WWOX: variants seen among roughly 807,000 people sequenced by gnomAD.
WWOX encodes the protein WW domain containing oxidoreductase, also known as WW domain-containing oxidoreductase.
In WWOX, 69 loss-of-function variants were observed where a neutral mutation model predicts 46.2. The observed-to-expected ratio is 1.49, with a 90% CI of 1.23 to 1.82. The LOEUF is 1.82. WWOX is among the 40% of genes most tolerant of loss of function. The pLI is 0.00. For synonymous variants in WWOX, 359 were observed against 202.6 expected (o/e 1.77, Z -6.56); for missense variants, 919 against 542.6 (o/e 1.69, Z -6.89).
At chr16:78,263,299 TCAGTGCC>T (rs1163991329) in intron 5 of WWOX, among the ~76,000 whole-genome samples, 1 of 152,134 alleles carries the variant, frequency 6.6e-6, no homozygotes. Flanking sequence ...AAAGTTCCAA[TCAGTGCC>T]CAGGGCTTCA....
At chr16:79,034,526 C>T (rs185956061) in intron 8 of WWOX, among the ~76,000 whole-genome samples, 13 of 152,144 alleles carry the variant, frequency 8.5e-5, no homozygotes, top group South Asian at 2.1e-4. Context: ...GCCCCCTCAC[C>T]GAATGATCAG....
intron 8 of WWOX, among the ~76,000 whole-genome samples, chr16:78,853,925 A>G (rs1219671782): frequency 6.6e-6 from 1 of 152,240 alleles, no homozygotes; most frequent in Non-Finnish European, 1.5e-5. Flanking sequence ...TACTTGTAGT[A>G]TCATGGATAC....
intron 4 of WWOX, among the ~76,000 whole-genome samples, chr16:78,117,585 G>C (rs1266402587): frequency 6.6e-6 from 1 of 152,178 alleles, no homozygotes; most frequent in Non-Finnish European, 1.5e-5. Context: ...TTTATATCCT[G>C]CGTGGCTGCC....
At chr16:78,199,507 A>C (rs945366694) in intron 5 of WWOX, among the ~76,000 whole-genome samples, 1 of 152,158 alleles carries the variant, frequency 6.6e-6, no homozygotes, top group Non-Finnish European at 1.5e-5. Context: ...ATCCGGCATC[A>C]TGACCTTTGT....
At chr16:78,769,083 C>G (rs1162399281) in intron 8 of WWOX, among the ~76,000 whole-genome samples, 2 of 152,108 alleles carry the variant, frequency 1.3e-5, no homozygotes, top group Non-Finnish European at 2.9e-5. Context: ...GCCACAAGGC[C>G]ATCTTTATAA....
intron 8 of WWOX, among the ~76,000 whole-genome samples, chr16:79,123,875 G>C (rs182814254): frequency 6.6e-5 from 10 of 152,272 alleles, no homozygotes; most frequent in African/African-American, 2.4e-4. Flanking sequence ...CAATAGTTAA[G>C]AAACAGGCAG....
intron 8 of WWOX, among the ~76,000 whole-genome samples, chr16:78,690,228 C>G (rs762409682): frequency 6.6e-6 from 1 of 151,900 alleles, no homozygotes; most frequent in Admixed American, 6.6e-5. Context: ...TGTGTAGGGC[C>G]GGATATAGTG....
At chr16:78,397,360 C>T (rs1355410030) in intron 6 of WWOX, among the ~76,000 whole-genome samples, 2 of 152,170 alleles carry the variant, frequency 1.3e-5, no homozygotes, top group Non-Finnish European at 2.9e-5. Context: ...CATACCATCC[C>T]ATTTTATCCT....
chr16:78,973,281 G>C (rs2046507679), intron 8 of WWOX, among the ~76,000 whole-genome samples: 2 of 152,104 alleles, frequency 1.3e-5, no homozygotes, highest in African/African-American at 4.8e-5. Context: ...CAGAAGTCCG[G>C]GCTGTCATCC....
intron 6 of WWOX, among the ~76,000 whole-genome samples, chr16:78,422,595 C>T (rs997095443): frequency 2.1e-5 from 3 of 145,032 alleles, no homozygotes; most frequent in South Asian, 2.2e-4. Flanking sequence ...ATTATCCTGC[C>T]TTAGCCTCCC....
intron 3 of WWOX, among the ~76,000 whole-genome samples, chr16:78,111,228 C>T (rs1008768544): frequency 1.3e-5 from 2 of 151,954 alleles, no homozygotes; most frequent in African/African-American, 4.8e-5. Flanking sequence ...AGGCAAGAGA[C>T]TGAAGGCACA....
chr16:79,053,350 C>A (rs547287819), intron 8 of WWOX, among the ~76,000 whole-genome samples: 1 of 152,142 alleles, frequency 6.6e-6, no homozygotes, highest in African/African-American at 2.4e-5. Context: ...ATCCCAGCAA[C>A]GTGGCCCTGC....
chr16:78,441,733 G>C (rs1045840283), intron 8 of WWOX, among the ~76,000 whole-genome samples: 5 of 152,094 alleles, frequency 3.3e-5, no homozygotes, highest in African/African-American at 1.2e-4. Flanking sequence ...TCATGGGCTT[G>C]TCTTGAGAAT....
At chr16:78,406,521 T>C (rs553166999) in intron 6 of WWOX, among the ~76,000 whole-genome samples, 2 of 149,356 alleles carry the variant, frequency 1.3e-5, no homozygotes, top group South Asian at 4.2e-4. Flanking sequence ...CCCAGCTAAT[T>C]TTTTGTATTT....
chr16:78,863,783 C>G (rs534308979), intron 8 of WWOX, among the ~76,000 whole-genome samples: 1 of 152,172 alleles, frequency 6.6e-6, no homozygotes, highest in East Asian at 1.9e-4. Flanking sequence ...AACAAACTAT[C>G]ACAGGCATAG....
intron 8 of WWOX, among the ~76,000 whole-genome samples, chr16:78,486,877 C>T (rs2084651274): frequency 6.6e-6 from 1 of 152,172 alleles, no homozygotes; most frequent in Non-Finnish European, 1.5e-5. Context: ...CGACCATTGT[C>T]TGTCAGGTTT....
chr16:78,537,646 G>A (rs762605497), intron 8 of WWOX, among the ~76,000 whole-genome samples: 1 of 152,102 alleles, frequency 6.6e-6, no homozygotes, highest in African/African-American at 2.4e-5. Flanking sequence ...TGGTTGTGAT[G>A]TTGTTGTTGT....
chr16:78,286,432 C>G (rs1255407955), intron 5 of WWOX, among the ~76,000 whole-genome samples: 1 of 152,196 alleles, frequency 6.6e-6, no homozygotes, highest in Non-Finnish European at 1.5e-5. Context: ...AAACAATCCT[C>G]TGATTTAAAG....
At chr16:78,590,460 A>C (rs960311197) in intron 8 of WWOX, among the ~76,000 whole-genome samples, 1 of 152,224 alleles carries the variant, frequency 6.6e-6, no homozygotes, top group Non-Finnish European at 1.5e-5. Context: ...TGAGCTGCTC[A>C]CTGATAAATA....
Sources: gnomAD v4.1 joint callset for allele counts (sites outside exome capture counted in the v4.1 genomes callset) on GRCh38, gnomAD v4.1.1 for gene constraint, MANE v1.5 for transcripts, NCBI Gene and HGNC (gene_info 2026-07-23, HGNC 2026-07-21) for gene names.